The following KIAA0040 variants were observed in gnomAD, a reference collection of about 807,000 sequenced individuals.
KIAA0040 encodes the protein uncharacterized protein KIAA0040.
Under a neutral mutation model 7.2 loss-of-function variants are expected in KIAA0040, and 10 were observed. That is an observed-to-expected ratio of 1.38 (90% confidence interval 0.85 to 2.34). The LOEUF (loss-of-function observed/expected upper bound fraction) is 2.34. KIAA0040 is among the 30% of genes most tolerant of loss of function. The pLI, the probability that KIAA0040 is intolerant of heterozygous loss-of-function variation, is 0.00. For missense variants in KIAA0040, 89 were observed against 108.2 expected (o/e 0.82, Z 0.79); for synonymous variants, 49 against 40.1 (o/e 1.22, Z -0.84).
chr1:175,170,270 T>C (rs1024317244), intron 2 of KIAA0040, among the ~76,000 whole-genome samples: 23 of 152,194 alleles, frequency 1.5e-4, no homozygotes, highest in Non-Finnish European at 5.9e-5. Flanking sequence ...CTAGGGGCAC[T>C]TGGGCCCTGT....
chr1:175,186,629 CT>C (rs1677670132), intron 1 of KIAA0040, among the ~76,000 whole-genome samples: 1 of 152,206 alleles, frequency 6.6e-6, no homozygotes, highest in Non-Finnish European at 1.5e-5. Flanking sequence ...TATCCACCCA[CT>C]GAAAATAGTC....
intron 1 of KIAA0040, among the ~76,000 whole-genome samples, chr1:175,179,398 T>G (rs1217387999): frequency 6.6e-6 from 1 of 152,120 alleles, no homozygotes. Context: ...CTCCCACCCA[T>G]GGGCTCACTG....
chr1:175,179,527 CACCAA>C (rs1377721084), intron 1 of KIAA0040, among the ~76,000 whole-genome samples: 1 of 152,158 alleles, frequency 6.6e-6, no homozygotes, highest in Admixed American at 6.5e-5. Context: ...AATGAAATAT[CACCAA>C]ACCAATCAGA....
At chr1:175,180,193 C>T (rs912956966) in intron 1 of KIAA0040, among the ~76,000 whole-genome samples, 4 of 152,192 alleles carry the variant, frequency 2.6e-5, no homozygotes, top group Non-Finnish European at 5.9e-5. Flanking sequence ...TACATTGTCA[C>T]CACAACCCAT....
At chr1:175,171,580 A>C (rs1194626997) in intron 2 of KIAA0040, among the ~76,000 whole-genome samples, 1 of 152,252 alleles carries the variant, frequency 6.6e-6, no homozygotes, top group East Asian at 1.9e-4. Context: ...ATCCACCCGC[A>C]GACTGCACTC....
chr1:175,173,579 C>T (rs1358076403), intron 2 of KIAA0040, among the ~76,000 whole-genome samples: 1 of 152,220 alleles, frequency 6.6e-6, no homozygotes, highest in African/African-American at 2.4e-5. Context: ...AGAGATCCTA[C>T]TGTAACCACC....
At chr1:175,187,384 T>C (rs1466528018) in intron 1 of KIAA0040, among the ~76,000 whole-genome samples, 1 of 152,156 alleles carries the variant, frequency 6.6e-6, no homozygotes, top group African/African-American at 2.4e-5. Flanking sequence ...CCAGTGTGCA[T>C]GAGTGGCTGT....
intron 2 of KIAA0040, among the ~76,000 whole-genome samples, chr1:175,173,868 C>T (rs1214887648): frequency 6.6e-6 from 1 of 152,224 alleles, no homozygotes; most frequent in Non-Finnish European, 1.5e-5. Flanking sequence ...GGAGCTATGT[C>T]CAACCCACAG....
chr1:175,166,331 TA>T (rs1676761873), intron 3 of KIAA0040, among the ~76,000 whole-genome samples: 1 of 152,192 alleles, frequency 6.6e-6, no homozygotes, highest in African/African-American at 2.4e-5. Flanking sequence ...TTTAAGGAGT[TA>T]AAAATACAGA....
intron 2 of KIAA0040, among the ~76,000 whole-genome samples, chr1:175,170,848 C>T (rs1258103980): frequency 4.6e-5 from 7 of 151,722 alleles, no homozygotes; most frequent in African/African-American, 9.7e-5. Flanking sequence ...GCCCTGCTCA[C>T]GCCTCATGGC....
At chr1:175,177,940 T>C (rs767238058) in intron 1 of KIAA0040, among the ~76,000 whole-genome samples, 3 of 152,202 alleles carry the variant, frequency 2.0e-5, no homozygotes, top group Non-Finnish European at 2.9e-5. Flanking sequence ...AGAGTCATAA[T>C]TGGTATTATT....
intron 3 of KIAA0040, among the ~76,000 whole-genome samples, chr1:175,163,137 C>T (rs1428385523): frequency 4.6e-5 from 7 of 152,156 alleles, no homozygotes; most frequent in African/African-American, 1.2e-4. Context: ...TGTTCACAGG[C>T]GTTGCTCTGT....
At chr1:175,174,894 T>C (rs1054579203) in intron 2 of KIAA0040, among the ~76,000 whole-genome samples, 1 of 152,162 alleles carries the variant, frequency 6.6e-6, no homozygotes, top group Non-Finnish European at 1.5e-5. Flanking sequence ...CAGTGAACTA[T>C]CTTGGTTATA....
At chr1:175,173,132 G>C (rs540909865) in intron 2 of KIAA0040, among the ~76,000 whole-genome samples, 101 of 152,028 alleles carry the variant, frequency 6.6e-4, no homozygotes, top group African/African-American at 2.3e-3. Context: ...TCCCTCTCTC[G>C]GCCCTCCTGA....
chr1:175,160,637 AG>A lies in KIAA0040; in HGVS notation c.*76del. ...GGACATGGACATAGTGCATTATTTC[AG>A]GGGTTCCTGAAATGTCTGTGTGTGG... is the stretch of plus-strand genomic sequence containing the variant. On this transcript the variant is annotated 3_prime_UTR_variant, in exon 4 of 4. Coordinates refer to ENST00000423313, the MANE Select transcript of KIAA0040 (RefSeq NM_014656.3). 7.6e-7 allele frequency: 1 copy of A among 1,320,122 alleles called. No individual in the cohort carries two copies. The highest frequency in any genetic ancestry group is 1.0e-6 in the Non-Finnish European group (1 of 981,206). 81.8% of individuals were successfully genotyped at this position (1,320,122 alleles called of 1,614,324 possible).
intron 1 of KIAA0040, among the ~76,000 whole-genome samples, chr1:175,187,018 G>A (rs1677683505): frequency 6.6e-6 from 1 of 152,154 alleles, no homozygotes; most frequent in African/African-American, 2.4e-5. Flanking sequence ...GGTCAGGAGT[G>A]GAAGGTAGGG....
At position 175,187,903 on chromosome 1, in the gene KIAA0040, T is replaced by TA. The variant is rs376352656; in HGVS notation, c.-384+4736dup. On this transcript the variant is annotated intron_variant, in intron 1 of 3. Coordinates refer to ENST00000423313, the MANE Select transcript of KIAA0040 (RefSeq NM_014656.3). ...TCTTTTTATGACTTGCCTGGGAAACTAAAAAAAAAATGCTGATGGGCTTTT... is the reference window on the plus strand; with the variant it reads ...TCTTTTTATGACTTGCCTGGGAAACTAAAAAAAAAAATGCTGATGGGCTTTT... 1.6e-3 allele frequency among the ~76,000 whole-genome samples: 237 copies of TA among 149,334 alleles called. 1 individual carries two copies. Among genetic ancestry groups the TA allele is most frequent in the African/African-American group, 4.6e-3 (190 of 40,862 alleles).
At chr1:175,171,005 CG>C (rs1267796922) in intron 2 of KIAA0040, among the ~76,000 whole-genome samples, 2 of 152,240 alleles carry the variant, frequency 1.3e-5, no homozygotes, top group Admixed American at 1.3e-4. Flanking sequence ...GTGGCCTAGC[CG>C]CGCCTACTAC....
chr1:175,180,701 C>T (rs181918865), intron 1 of KIAA0040, among the ~76,000 whole-genome samples: 6 of 152,236 alleles, frequency 3.9e-5, no homozygotes, highest in Non-Finnish European at 5.9e-5. Flanking sequence ...AGCTGAGGCT[C>T]GACTTCCAAG....
Sources: gnomAD v4.1 joint callset for allele counts (sites outside exome capture counted in the v4.1 genomes callset) on GRCh38, gnomAD v4.1.1 for gene constraint, MANE v1.5 for transcripts, NCBI Gene and HGNC (gene_info 2026-07-23, HGNC 2026-07-21) for gene names.